Variants in API5 observed in about 807,000 individuals in gnomAD.
API5 encodes apoptosis inhibitor 5.
In API5, 6 loss-of-function variants were observed where a neutral mutation model predicts 71.9. The ratio of observed to expected loss-of-function variants is 0.08; its 90% CI spans 0.05 to 0.16. API5 has a LOEUF of 0.16. Among genes scored for constraint, API5 ranks in the 10% least tolerant of loss-of-function variants. The pLI is 1.00. For missense variants in API5, 332 were observed against 612.8 expected (o/e 0.54, Z 4.84); for synonymous variants, 189 against 221.3 (o/e 0.85, Z 1.30).
At chr11:43,314,349 T>C (rs1854597414) in intron 1 of API5, among the ~76,000 whole-genome samples, 1 of 152,158 alleles carries the variant, frequency 6.6e-6, no homozygotes, top group Non-Finnish European at 1.5e-5. Context: ...CATAATGCTG[T>C]CCATCCCCTA....
intron 4 of API5, among the ~76,000 whole-genome samples, chr11:43,321,717 T>C (rs892700092): frequency 2.6e-5 from 4 of 152,216 alleles, no homozygotes; most frequent in Non-Finnish European, 5.9e-5. Context: ...CTTTTGACAC[T>C]TTCAAGAAAT....
chr11:43,321,188 A>T (rs1854877737), intron 3 of API5, among the ~76,000 whole-genome samples: 1 of 152,110 alleles, frequency 6.6e-6, no homozygotes, highest in South Asian at 2.1e-4. Flanking sequence ...AATTTCCTGT[A>T]GTTTCATAAT....
Position 43,338,879 on chromosome 11 carries a change from G to A in API5, c.1492+2885G>A, listed in dbSNP as rs966941522. Among the ~76,000 whole-genome samples the A allele has an allele frequency of 5.3e-5, 8 of 152,084 alleles. No individual in the cohort carries two copies. In the East Asian group the frequency reaches 1.4e-3, roughly 26 times the overall value. On this transcript the variant is annotated intron_variant, in intron 13 of 13. Transcript: ENST00000531273. ...GTGTGAATAATGAGTATGATAGGGT[G>A]AAATGTGCAGGCATCTGCATAGATG...
intron 1 of API5, among the ~76,000 whole-genome samples, chr11:43,313,380 A>G (rs1486225652): frequency 6.6e-6 from 1 of 152,182 alleles, no homozygotes; most frequent in Non-Finnish European, 1.5e-5. Context: ...TTGGGAAAAG[A>G]ACCAGGCTCT....
rs1855199425 is a variant in API5 at position 43,329,965 on chromosome 11, G to A, written c.1128G>A (p.Arg376=). Residue 376 remains arginine (R), a splice_region_variant and synonymous_variant, in exon 10 of 14, where the codon AGG becomes AGA. Transcript: ENST00000531273. ...NAEKLKDFKI[R]LQYFARGLQV... ...AATTAACAAATACATTTTCATTTAGGCTGCAGTACTTTGCACGGGGCCTGC... is the reference window on the plus strand; with the variant it reads ...AATTAACAAATACATTTTCATTTAGACTGCAGTACTTTGCACGGGGCCTGC... 1 of 1,612,790 alleles carries A rather than the reference G, an allele frequency of 6.2e-7. No homozygotes were observed. Among genetic ancestry groups the A allele is most frequent in the Non-Finnish European group, 8.5e-7 (1 of 1,179,206 alleles).
chr11:43,319,581 G>A (rs1169904920), intron 2 of API5, among the ~76,000 whole-genome samples: 2 of 152,064 alleles, frequency 1.3e-5, no homozygotes, highest in African/African-American at 4.8e-5. Flanking sequence ...ACCGTTCCCA[G>A]CTGATTTTTA....
chr11:43,342,335 T>C (rs916004597), intron 13 of API5, 93 bp from the exon 14 acceptor site: 12 of 998,890 alleles, frequency 1.2e-5, no homozygotes, highest in Admixed American at 7.0e-5. Flanking sequence ...TAGGGCCTAC[T>C]GCTGTATTCA....
intron 11 of API5, chr11:43,332,024 T>A (rs571891197): frequency 1.3e-5 from 2 of 152,352 alleles, no homozygotes; most frequent in African/African-American, 4.8e-5. Context: ...ATTTTAAACT[T>A]AGCAAATGCT....
Position 43,342,546 on chromosome 11 carries a change from T to C in API5, c.*36T>C, listed in dbSNP as rs1298864036. 1.9e-6 allele frequency: 3 copies of C among 1,596,890 alleles called. No homozygotes were observed. The African/African-American group carries it at 4.0e-5, about 21-fold the overall frequency. ...AGCATTCTTCAGCATTGTCATGAGC[T>C]TAATATACTTAAATTCTACTACTCA... is the stretch of plus-strand genomic sequence containing the variant. On this transcript the variant is annotated 3_prime_UTR_variant, in exon 14 of 14. Transcript: ENST00000531273.
intron 13 of API5, among the ~76,000 whole-genome samples, chr11:43,337,201 T>C (rs1855465755): frequency 6.6e-6 from 1 of 151,276 alleles, no homozygotes; most frequent in Non-Finnish European, 1.5e-5. Context: ...TGGCACGCAC[T>C]TATAGTCCCA....
rs1242551947 is a variant in API5 at position 43,336,141 on chromosome 11, A to C, written c.1492+147A>C. The C allele has an allele frequency of 2.8e-6, 3 of 1,069,010 alleles. No homozygotes were observed. In the African/African-American group the frequency reaches 4.8e-5, roughly 17 times the overall value. 66.2% of individuals were successfully genotyped at this position (1,069,010 alleles called of 1,614,324 possible). A position where few individuals can be genotyped will look rare whatever the true frequency, so the allele number is the denominator to read the frequency against. On this transcript the variant is annotated intron_variant, in intron 13 of 13. Coordinates refer to ENST00000531273, the MANE Select transcript of API5 (RefSeq NM_001142930.2). Reference sequence around the variant, plus strand: ...CTTGGAGAACTAGGGCTGTTGAGGAAATGATTTATCCCATTCCTCTCTCAT... The same window carrying C: ...CTTGGAGAACTAGGGCTGTTGAGGACATGATTTATCCCATTCCTCTCTCAT...
At chr11:43,324,040 C>A (rs1854985405) in intron 6 of API5, among the ~76,000 whole-genome samples, 1 of 152,016 alleles carries the variant, frequency 6.6e-6, no homozygotes, top group African/African-American at 2.4e-5. Context: ...TCCTTTGAGA[C>A]AGAGTCTTGC....
intron 9 of API5, 91 bp from the exon 10 acceptor site, chr11:43,329,874 C>T: frequency 1.0e-6 from 1 of 1,003,690 alleles, no homozygotes; most frequent in Admixed American, 2.1e-5. Flanking sequence ...ACCATTTCTG[C>T]ACTTAGGATC....
rs750289633 is a variant in API5, at chr11:43,324,803, G to A, written c.750+1167G>A. ...AGCAATTCTCGTGCCTCAACTTCCCGAGTAGCTGGGATTACAGGCAAGCAC... is the reference window on the plus strand; with the variant it reads ...AGCAATTCTCGTGCCTCAACTTCCCAAGTAGCTGGGATTACAGGCAAGCAC... On this transcript the variant is annotated intron_variant, in intron 6 of 13. Coordinates refer to ENST00000531273, the MANE Select transcript of API5 (RefSeq NM_001142930.2). 1.1e-4 allele frequency among the ~76,000 whole-genome samples: 16 copies of A among 151,992 alleles called. 1 individual carries two copies. In the South Asian group the frequency reaches 2.7e-3, roughly 26 times the overall value.
intron 1 of API5, among the ~76,000 whole-genome samples, chr11:43,314,983 A>G (rs555833319): frequency 2.0e-5 from 3 of 152,326 alleles, no homozygotes; most frequent in South Asian, 2.1e-4. Flanking sequence ...TTTCATGTCA[A>G]CTTATGAGAG....
Position 43,343,446 on chromosome 11 carries a change from G to T in API5, c.*936G>T, listed in dbSNP as rs1399484361. 1 of 152,524 alleles carries T rather than the reference G, an allele frequency of 6.6e-6. No homozygotes were observed. Among genetic ancestry groups the T allele is most frequent in the Non-Finnish European group, 1.5e-5 (1 of 68,028 alleles). 9.4% of individuals were successfully genotyped at this position (152,524 alleles called of 1,614,324 possible). A position where few individuals can be genotyped will look rare whatever the true frequency, so the allele number is the denominator to read the frequency against. On this transcript the variant is annotated 3_prime_UTR_variant, in exon 14 of 14. Coordinates refer to ENST00000531273, the MANE Select transcript of API5 (RefSeq NM_001142930.2). The stretch of plus-strand genomic sequence containing the variant: ...GCATTTTCAAAGATAAATTGGAATT[G>T]CTGTTGGTGAAATAACAACCAAAAT...
At chr11:43,338,647 G>GGAAAA (rs1565113867) in intron 13 of API5, among the ~76,000 whole-genome samples, 1 of 22,166 alleles carries the variant, frequency 4.5e-5, no homozygotes, top group Non-Finnish European at 1.9e-4. Flanking sequence ...TCAATTGGAG[G>GGAAAA]TAAAAAAAAA....
intron 1 of API5, among the ~76,000 whole-genome samples, chr11:43,315,842 G>A (rs979488093): frequency 2.6e-5 from 4 of 152,086 alleles, no homozygotes; most frequent in Admixed American, 1.3e-4. Flanking sequence ...CCATAATAGA[G>A]CAAGCTGTGG....
At chr11:43,340,536 A>G (rs995418101) in intron 13 of API5, among the ~76,000 whole-genome samples, 1 of 152,166 alleles carries the variant, frequency 6.6e-6, no homozygotes, top group Admixed American at 6.6e-5. Context: ...CAAAATATAA[A>G]TCAAAAATGT....
Sources: allele counts gnomAD v4.1 joint callset (sites outside exome capture counted in the v4.1 genomes callset), GRCh38; gene constraint gnomAD v4.1.1; transcripts MANE v1.5; gene names NCBI Gene and HGNC (gene_info 2026-07-23, HGNC 2026-07-21).